ASTN1: variants seen among roughly 807,000 people sequenced by gnomAD.
The protein encoded by ASTN1 is astrotactin 1.
ASTN1 carries 41 observed loss-of-function variants against 140.7 expected under a neutral mutation model. That is an observed-to-expected ratio of 0.29 (90% CI 0.23 to 0.38). The LOEUF is 0.38. Ranked by LOEUF, ASTN1 falls within the 10% of genes least tolerant of loss-of-function variation. ASTN1 has a pLI of 1.00. For missense variants in ASTN1, 1,479 were observed against 1,678.8 expected (o/e 0.88, Z 2.08); for synonymous variants, 640 against 652.2 (o/e 0.98, Z 0.29).
At chr1:177,137,280 A>G (rs1682247500) in intron 1 of ASTN1, among the ~76,000 whole-genome samples, 1 of 152,240 alleles carries the variant, frequency 6.6e-6, no homozygotes, top group Non-Finnish European at 1.5e-5. Context: ...TCAAAAAGGA[A>G]AACATAATTG....
At chr1:176,964,209 G>A (rs1010433574) in intron 9 of ASTN1, among the ~76,000 whole-genome samples, 13 of 152,168 alleles carry the variant, frequency 8.5e-5, no homozygotes, top group Non-Finnish European at 1.8e-4. Context: ...GTGAAGAAGT[G>A]AGACTCAGCA....
rs112187559 is a variant in ASTN1, at chr1:176,977,508, G to A, written c.1524-12271C>T. ...CACTGGGCTACACAGATAAAAGGCC[G>A]GGTCCTTGTCCTGGATCAGGAGCCG... On this transcript the variant is annotated intron_variant, in intron 8 of 22. Transcript: ENST00000361833. 1.8e-3 allele frequency among the ~76,000 whole-genome samples: 267 copies of A among 152,298 alleles called. 1 individual carries two copies. The Middle Eastern group carries it at 0.034, about 19-fold the overall frequency.
At chr1:176,964,328 C>G (rs1318800673) in intron 9 of ASTN1, among the ~76,000 whole-genome samples, 1 of 152,144 alleles carries the variant, frequency 6.6e-6, no homozygotes, top group Non-Finnish European at 1.5e-5. Flanking sequence ...TACTCACTTC[C>G]TCTACTAGAG....
chr1:177,073,973 T>A (rs2102060845), intron 1 of ASTN1, among the ~76,000 whole-genome samples: 1 of 151,980 alleles, frequency 6.6e-6, no homozygotes, highest in Admixed American at 6.6e-5. Flanking sequence ...AAAAAAAAAG[T>A]CAATACAGCT....
chr1:177,073,685 C>T (rs1292883459), intron 1 of ASTN1, among the ~76,000 whole-genome samples: 1 of 150,468 alleles, frequency 6.6e-6, no homozygotes, highest in East Asian at 2.0e-4. Flanking sequence ...TAAATACATT[C>T]CCTAGAGCAG....
chr1:177,090,787 G>C (rs1679710815), intron 1 of ASTN1, among the ~76,000 whole-genome samples: 1 of 152,074 alleles, frequency 6.6e-6, no homozygotes, highest in South Asian at 2.1e-4. Flanking sequence ...ATGTCTATAA[G>C]AAAACCTTCA....
intron 2 of ASTN1, among the ~76,000 whole-genome samples, chr1:177,058,652 TAA>T (rs973983236): frequency 1.3e-5 from 2 of 152,214 alleles, no homozygotes; most frequent in African/African-American, 2.4e-5. Flanking sequence ...GCCTATTTCC[TAA>T]AGTCTTTGGC....
rs546608592 is a variant in ASTN1 at position 176,900,140 on chromosome 1, C to T, written c.2672-5310G>A. 3.3e-5 allele frequency among the ~76,000 whole-genome samples: 5 copies of T among 152,302 alleles called. No homozygotes were observed. In the East Asian group the frequency reaches 9.6e-4, roughly 29 times the overall value. On this transcript the variant is annotated intron_variant, in intron 16 of 22. Transcript: ENST00000361833. ...AGAAGAAAACCAAACCATTTGTAAACAGTTCTCTAGTCCTTTACTAACACA... is the reference window on the plus strand; with the variant it reads ...AGAAGAAAACCAAACCATTTGTAAATAGTTCTCTAGTCCTTTACTAACACA...
intron 2 of ASTN1, among the ~76,000 whole-genome samples, chr1:177,040,781 T>C (rs1352792288): frequency 1.3e-5 from 2 of 152,254 alleles, no homozygotes; most frequent in Admixed American, 6.5e-5. Flanking sequence ...TCTGGAAAGT[T>C]TGTCTTCAAT....
chr1:177,013,581 C>T (rs1675397943), intron 8 of ASTN1, among the ~76,000 whole-genome samples: 1 of 152,154 alleles, frequency 6.6e-6, no homozygotes, highest in Non-Finnish European at 1.5e-5. Context: ...GGTTTGGTCT[C>T]ATCAGAATCA....
chr1:177,056,853 T>C (rs925077455), intron 2 of ASTN1, among the ~76,000 whole-genome samples: 13 of 152,208 alleles, frequency 8.5e-5, no homozygotes, highest in African/African-American at 2.9e-4. Context: ...TGAAGTCATA[T>C]TGAAACCTGG....
chr1:176,882,661 C>T (rs999385332), intron 20 of ASTN1, among the ~76,000 whole-genome samples, 198 bp downstream of exon 20: 7 of 151,984 alleles, frequency 4.6e-5, no homozygotes, highest in Non-Finnish European at 5.9e-5. Flanking sequence ...GGGACAGGAC[C>T]GTATTATCTT....
intron 16 of ASTN1, among the ~76,000 whole-genome samples, chr1:176,903,431 T>G (rs2103049939): frequency 6.6e-6 from 1 of 152,318 alleles, no homozygotes; most frequent in East Asian, 1.9e-4. Flanking sequence ...CTTTATGGCC[T>G]CTGTCCCACT....
intron 2 of ASTN1, among the ~76,000 whole-genome samples, chr1:177,043,932 A>G (rs1677091887): frequency 1.3e-5 from 2 of 152,064 alleles, no homozygotes; most frequent in African/African-American, 4.8e-5. Context: ...CCTCTTTAAA[A>G]AATTATTAAA....
In ASTN1 at chr1:176,862,424, G is replaced by C. The variant is rs1014083268; in HGVS notation, c.*1860C>G. On this transcript the variant is annotated 3_prime_UTR_variant, in exon 23 of 23. Transcript: ENST00000361833. ...TGCTCTAGCTCCAAAGGCTAAGGGC[G>C]TACTTTCGCCCCTCCTCCTTCCACT... is the stretch of plus-strand genomic sequence containing the variant. 2 of 985,290 alleles carry C rather than the reference G, an allele frequency of 2.0e-6. No individual in the cohort carries two copies. The highest frequency in any genetic ancestry group is 6.1e-5 in the Admixed American group (1 of 16,262). 61.0% of individuals were successfully genotyped at this position (985,290 alleles called of 1,614,324 possible). A position where few individuals can be genotyped will look rare whatever the true frequency, so the allele number is the denominator to read the frequency against.
At chr1:176,892,937 GAA>G (rs1669328393) in intron 17 of ASTN1, among the ~76,000 whole-genome samples, 1 of 152,138 alleles carries the variant, frequency 6.6e-6, no homozygotes, top group Admixed American at 6.5e-5. Flanking sequence ...TTTGTGTTTA[GAA>G]ATTAAAGAGT....
At position 177,056,745 on chromosome 1, in the gene ASTN1, C is replaced by T. The variant is rs952197763; in HGVS notation, c.471+4333G>A. On this transcript the variant is annotated intron_variant, in intron 2 of 22. Coordinates refer to ENST00000361833, the MANE Select transcript of ASTN1 (RefSeq NM_004319.3). The stretch of plus-strand genomic sequence containing the variant: ...AAATTCTACTGTGCACCATTAAACT[C>T]GTTTGCGTACTTTAAGAAGAAAAAT... Among the ~76,000 whole-genome samples, 5 of 151,998 alleles carry T rather than the reference C, an allele frequency of 3.3e-5. 1 individual carries two copies. Among genetic ancestry groups the T allele is most frequent in the South Asian group, 4.1e-4 (2 of 4,820 alleles).
chr1:177,019,467 T>C (rs1675711911), intron 7 of ASTN1, among the ~76,000 whole-genome samples: 2 of 152,214 alleles, frequency 1.3e-5, no homozygotes, highest in South Asian at 4.1e-4. Flanking sequence ...AGCCAAATGA[T>C]AAAAACATAA....
chr1:176,936,431 A>G, intron 14 of ASTN1, 61 bp from the exon 15 acceptor site: 1 of 1,345,924 alleles, frequency 7.4e-7, no homozygotes, highest in Middle Eastern at 2.6e-4. Flanking sequence ...CAAATCAAAA[A>G]GCATGACCCA....
Sources: gnomAD v4.1 joint callset for allele counts (sites outside exome capture counted in the v4.1 genomes callset) on GRCh38, gnomAD v4.1.1 for gene constraint, MANE v1.5 for transcripts, NCBI Gene and HGNC (gene_info 2026-07-23, HGNC 2026-07-21) for gene names.